The following MAGI2 variants were observed in gnomAD, a reference collection of about 807,000 sequenced individuals.
MAGI2 encodes the protein membrane associated guanylate kinase, WW and PDZ domain containing 2, also known as membrane-associated guanylate kinase, WW and PDZ domain-containing protein 2.
MAGI2 carries 35 observed loss-of-function variants against 133.3 expected under a neutral mutation model. The observed-to-expected ratio is 0.26, with a 90% CI of 0.20 to 0.35. MAGI2 has a LOEUF of 0.35. MAGI2 is among the 10% of genes least tolerant of loss of function. The pLI is 1.00. For missense variants in MAGI2, 1,636 were observed against 1,863.4 expected, an observed-to-expected ratio of 0.88 and a Z score of 2.25; for synonymous variants, 729 against 710.6, an observed-to-expected ratio of 1.03 and a Z score of -0.41.
chr7:78,174,432 G>A (rs1310737229), intron 14 of MAGI2, among the ~76,000 whole-genome samples: 7 of 152,220 alleles, frequency 4.6e-5, no homozygotes, highest in Non-Finnish European at 8.8e-5. Flanking sequence ...GTTTCAGCAA[G>A]TGCTCAGTGT....
chr7:79,404,660 G>A (rs1006210778), intron 1 of MAGI2, among the ~76,000 whole-genome samples: 24 of 151,994 alleles, frequency 1.6e-4, no homozygotes, highest in African/African-American at 5.1e-4. Context: ...TTAGACCCAG[G>A]CCCCTGAGCT....
At chr7:79,229,734 T>C (rs1195345121) in intron 1 of MAGI2, among the ~76,000 whole-genome samples, 1 of 152,182 alleles carries the variant, frequency 6.6e-6, no homozygotes, top group Non-Finnish European at 1.5e-5. Context: ...CTCACATATA[T>C]TCTTTTCATT....
intron 1 of MAGI2, among the ~76,000 whole-genome samples, chr7:79,155,604 G>C (rs1358093844): frequency 1.3e-5 from 2 of 152,112 alleles, no homozygotes; most frequent in Admixed American, 1.3e-4. Context: ...AAATGACAAA[G>C]GTGAGATCTA....
intron 1 of MAGI2, among the ~76,000 whole-genome samples, chr7:79,334,087 A>C (rs907565800): frequency 5.9e-5 from 9 of 152,160 alleles, no homozygotes; most frequent in Admixed American, 6.5e-5. Flanking sequence ...ACATCTAGTA[A>C]ACACCTTTGA....
At chr7:78,052,062 A>T (rs10236696) in intron 21 of MAGI2, among the ~76,000 whole-genome samples, 4 of 151,576 alleles carry the variant, frequency 2.6e-5, no homozygotes, top group African/African-American at 9.7e-5. Context: ...GTGGAGATGG[A>T]GTTTTGCCAT....
intron 1 of MAGI2, among the ~76,000 whole-genome samples, chr7:79,037,610 C>G (rs1409176083): frequency 6.6e-6 from 1 of 151,962 alleles, no homozygotes; most frequent in Admixed American, 6.6e-5. Flanking sequence ...ATCACAGTAC[C>G]AACATTATAC....
intron 20 of MAGI2, among the ~76,000 whole-genome samples, chr7:78,086,815 G>A (rs1583837994): frequency 6.7e-6 from 1 of 149,796 alleles, no homozygotes. Flanking sequence ...TTATATTTTT[G>A]GTAAAGACGG....
At chr7:79,105,005 C>A (rs968420152) in intron 1 of MAGI2, among the ~76,000 whole-genome samples, 5 of 152,178 alleles carry the variant, frequency 3.3e-5, no homozygotes, top group Admixed American at 3.3e-4. Flanking sequence ...AAATATTCCT[C>A]TTTGGAAAAT....
At chr7:78,032,009 CTTTT>C (rs377672697) in intron 21 of MAGI2, among the ~76,000 whole-genome samples, 9 of 124,190 alleles carry the variant, frequency 7.2e-5, no homozygotes, top group Admixed American at 8.4e-5. Flanking sequence ...AGCCCCCCCA[CTTTT>C]TTTTTTTTTT....
intron 1 of MAGI2, among the ~76,000 whole-genome samples, chr7:79,441,157 C>T (rs183339987): frequency 9.8e-4 from 149 of 152,262 alleles, no homozygotes; most frequent in Non-Finnish European, 1.7e-3. Flanking sequence ...CATCCTGATA[C>T]GAAACACTTA....
chr7:78,122,176 G>A (rs1820536495), intron 20 of MAGI2, among the ~76,000 whole-genome samples: 1 of 152,190 alleles, frequency 6.6e-6, no homozygotes, highest in African/African-American at 2.4e-5. Flanking sequence ...GCTTGGTAAT[G>A]TTCTGTTTTT....
chr7:79,074,185 T>A (rs1301683838), intron 1 of MAGI2, among the ~76,000 whole-genome samples: 1 of 152,220 alleles, frequency 6.6e-6, no homozygotes, highest in Non-Finnish European at 1.5e-5. Flanking sequence ...AACAGCTTTT[T>A]GTTGAAATAA....
chr7:78,375,453 C>T (rs761330070), intron 6 of MAGI2, among the ~76,000 whole-genome samples: 1 of 151,950 alleles, frequency 6.6e-6, no homozygotes, highest in South Asian at 2.1e-4. Context: ...AATGGGCCTC[C>T]TTTTACAGAA....
intron 20 of MAGI2, among the ~76,000 whole-genome samples, chr7:78,124,671 T>G (rs745729400): frequency 1.3e-5 from 2 of 151,864 alleles, no homozygotes; most frequent in African/African-American, 2.4e-5. Context: ...CTAGATTTTA[T>G]TCATACACCG....
At chr7:78,836,823 C>T (rs528209483) in intron 2 of MAGI2, among the ~76,000 whole-genome samples, 7 of 152,198 alleles carry the variant, frequency 4.6e-5, no homozygotes, top group Admixed American at 2.6e-4. Context: ...CCCTGTATGC[C>T]GATGCCCATA....
intron 12 of MAGI2, among the ~76,000 whole-genome samples, chr7:78,191,734 T>C (rs1317587542): frequency 6.6e-6 from 1 of 152,192 alleles, no homozygotes; most frequent in Non-Finnish European, 1.5e-5. Flanking sequence ...TAGGAGGTGT[T>C]TCCTATCACA....
chr7:78,408,754 A>T (rs1222773247), intron 6 of MAGI2, among the ~76,000 whole-genome samples: 2 of 152,172 alleles, frequency 1.3e-5, no homozygotes, highest in Admixed American at 6.6e-5. Context: ...CAAAAATTTA[A>T]AAATAATTTT....
At chr7:78,093,453 C>CA (rs936510612) in intron 20 of MAGI2, among the ~76,000 whole-genome samples, 99 of 141,682 alleles carry the variant, frequency 7.0e-4, no homozygotes, top group Middle Eastern at 3.6e-3. Context: ...GACTCCTTCT[C>CA]AAAAAAAAAA....
intron 2 of MAGI2, among the ~76,000 whole-genome samples, chr7:78,873,371 G>A (rs553326404): frequency 3.3e-5 from 5 of 152,122 alleles, no homozygotes; most frequent in East Asian, 3.9e-4. Context: ...ACTTCCCATC[G>A]CTGGCATTAC....
Sources: allele counts gnomAD v4.1 joint callset (sites outside exome capture counted in the v4.1 genomes callset), GRCh38; gene constraint gnomAD v4.1.1; transcripts MANE v1.5; gene names NCBI Gene and HGNC (gene_info 2026-07-23, HGNC 2026-07-21).